AFAP1: variants seen among roughly 807,000 people sequenced by gnomAD.
AFAP1 encodes actin filament-associated protein 1.
Under a neutral mutation model 93.9 loss-of-function variants are expected in AFAP1, and 75 were observed. The ratio of observed to expected loss-of-function variants is 0.80; its 90% CI spans 0.66 to 0.97. The LOEUF (loss-of-function observed/expected upper bound fraction) is 0.97. Among genes scored for constraint, AFAP1 ranks in the 50% least tolerant of loss-of-function variants. The pLI, the probability that AFAP1 is intolerant of heterozygous loss-of-function variation, is 0.00. For synonymous variants in AFAP1, 517 were observed against 430.7 expected (o/e 1.20, Z -2.48); for missense variants, 1,201 against 1,050.8 (o/e 1.14, Z -1.98).
chr4:7,868,644 G>A lies in AFAP1; in HGVS notation c.203C>T (p.Pro68Leu), dbSNP rs777059475. The change falls in exon 3 of 18, where the codon CCG becomes CTG. Residue 68 changes from proline to leucine, a missense_variant. Pro to Leu is a moderately conservative substitution (Grantham distance 98, BLOSUM62 -3). Transcript: ENST00000420658. The stretch of plus-strand genomic sequence containing the variant: ...CACCAGCCAGGGCTGAGGGATCTCC[G>A]GCAGGGGCATCTGAGGAGGGGCTGG... ...SLPAPPQMPL[P>L]EIPQPWLPPD... is the part of the protein sequence containing the mutation. The A allele has an allele frequency of 2.4e-5, 38 of 1,612,352 alleles. No individual in the cohort carries two copies. The highest frequency in any genetic ancestry group is 3.1e-5 in the Non-Finnish European group (37 of 1,179,784).
intron 6 of AFAP1, among the ~76,000 whole-genome samples, chr4:7,831,393 T>A (rs1457860172): frequency 4.4e-5 from 6 of 137,870 alleles, no homozygotes; most frequent in African/African-American, 8.2e-5. Context: ...CAGCAAATGC[T>A]AAAAAAAAAA....
At chr4:7,936,143 CGACTT>C (rs1018100111) in intron 1 of AFAP1, among the ~76,000 whole-genome samples, 22 of 152,186 alleles carry the variant, frequency 1.4e-4, no homozygotes, top group African/African-American at 5.3e-4. Context: ...CAGTAGCTCA[CGACTT>C]GACCAAATGG....
intron 1 of AFAP1, among the ~76,000 whole-genome samples, chr4:7,916,023 G>A (rs1174612275): frequency 1.3e-5 from 2 of 151,564 alleles, no homozygotes; most frequent in South Asian, 2.1e-4. Flanking sequence ...CCTCACTTAC[G>A]CAATCACCAG....
intron 10 of AFAP1, among the ~76,000 whole-genome samples, chr4:7,798,388 CCTATTGGCTGGCTCACAGCACTGCAACT>C (rs1560165347): frequency 4.9e-4 from 37 of 75,098 alleles, no homozygotes; most frequent in African/African-American, 1.3e-3. Flanking sequence ...GCACTGCAAC[CCTATTGGCTGGCTCACAGCACTGCAACT>C]CTATTGGCTG....
intron 12 of AFAP1, 85 bp downstream of exon 12, chr4:7,786,109 T>C (rs185778425): frequency 1.0e-5 from 13 of 1,302,068 alleles, no homozygotes; most frequent in South Asian, 1.3e-5. Context: ...TATTCAGACC[T>C]GAAACCAGGG....
chr4:7,926,818 C>T (rs770910518), intron 1 of AFAP1, among the ~76,000 whole-genome samples: 1 of 152,176 alleles, frequency 6.6e-6, no homozygotes, highest in Non-Finnish European at 1.5e-5. Flanking sequence ...CTCACTGCAA[C>T]CTCCGCCTCC....
chr4:7,791,211 G>C (rs767726490), intron 11 of AFAP1, among the ~76,000 whole-genome samples: 6 of 152,158 alleles, frequency 3.9e-5, no homozygotes, highest in Non-Finnish European at 8.8e-5. Context: ...AGCACTGGCA[G>C]GTCTGCCAGC....
chr4:7,781,130 T>C (rs1016287524), intron 13 of AFAP1, among the ~76,000 whole-genome samples: 2 of 152,164 alleles, frequency 1.3e-5, no homozygotes, highest in Admixed American at 1.3e-4. Flanking sequence ...CACTGGGGAA[T>C]TTTCCAAGAA....
At chr4:7,821,059 G>A (rs929539446) in intron 6 of AFAP1, among the ~76,000 whole-genome samples, 3 of 152,106 alleles carry the variant, frequency 2.0e-5, no homozygotes, top group Non-Finnish European at 4.4e-5. Flanking sequence ...CAGAGGTTGC[G>A]GTGAGCCGAG....
intron 1 of AFAP1, among the ~76,000 whole-genome samples, chr4:7,927,840 A>C (rs6813758): frequency 0.32 from 49,030 of 152,114 alleles, 9,003 homozygotes; most frequent in Non-Finnish European, 0.43. Flanking sequence ...TGAAATATTT[A>C]AGCCAATGTG....
chr4:7,915,136 G>A lies in AFAP1; in HGVS notation c.-3+24520C>T, dbSNP rs11939532. On this transcript the variant is annotated intron_variant, in intron 1 of 17. Transcript: ENST00000420658. ...TGACATCCGGTGATCTGCCCGCCTCGGCCTCCCAAAGTGCTGGGATGTCAG... is the reference window on the plus strand; with the variant it reads ...TGACATCCGGTGATCTGCCCGCCTCAGCCTCCCAAAGTGCTGGGATGTCAG... 8.4e-3 allele frequency among the ~76,000 whole-genome samples: 1,282 copies of A among 152,246 alleles called. 24 individuals are homozygous for A. The highest frequency in any genetic ancestry group is 0.029 in the African/African-American group (1,218 of 41,534).
In AFAP1 at chr4:7,909,359, A is replaced by G. The variant is rs190081465; in HGVS notation, c.-3+30297T>C. On this transcript the variant is annotated intron_variant, in intron 1 of 17. Coordinates refer to ENST00000420658, the MANE Select transcript of AFAP1 (RefSeq NM_001134647.2). ...CTCCATAGCCCTTGCTTAAAGAAGT[A>G]TTATTTATAAACTGTCCAGCACAGC... Among the ~76,000 whole-genome samples the G allele has an allele frequency of 4.6e-5, 7 of 152,348 alleles. No individual in the cohort carries two copies. In the East Asian group the frequency reaches 1.4e-3, roughly 29 times the overall value.
At chr4:7,786,842 T>C (rs2148995691) in intron 11 of AFAP1, among the ~76,000 whole-genome samples, 1 of 152,366 alleles carries the variant, frequency 6.6e-6, no homozygotes, top group South Asian at 2.1e-4. Context: ...GTCTGGTCTC[T>C]TTTGGAAAAA....
At chr4:7,936,377 G>A (rs1721380341) in intron 1 of AFAP1, among the ~76,000 whole-genome samples, 3 of 150,672 alleles carry the variant, frequency 2.0e-5, no homozygotes, top group African/African-American at 5.0e-5. Flanking sequence ...CCAGACTGGA[G>A]TGCAGTAGCA....
intron 1 of AFAP1, among the ~76,000 whole-genome samples, chr4:7,874,256 A>C (rs1262839692): frequency 6.6e-6 from 1 of 152,102 alleles, no homozygotes; most frequent in Admixed American, 6.6e-5. Context: ...CCACTTGTCA[A>C]GTTTTGGTGT....
At chr4:7,887,057 G>C (rs1718177785) in intron 1 of AFAP1, among the ~76,000 whole-genome samples, 1 of 152,078 alleles carries the variant, frequency 6.6e-6, no homozygotes, top group Admixed American at 6.6e-5. Flanking sequence ...AATCACAAAA[G>C]GTTTCTAGAA....
chr4:7,856,650 G>T (rs937726660), intron 3 of AFAP1, among the ~76,000 whole-genome samples: 1 of 152,112 alleles, frequency 6.6e-6, no homozygotes, highest in Non-Finnish European at 1.5e-5. Context: ...GACAACCTAC[G>T]TCCCACCTGG....
intron 6 of AFAP1, among the ~76,000 whole-genome samples, chr4:7,830,719 C>T (rs1433118206): frequency 3.3e-5 from 5 of 152,130 alleles, no homozygotes; most frequent in African/African-American, 1.2e-4. Flanking sequence ...CAGCGATCCT[C>T]CTGCCTCTGC....
At chr4:7,927,623 A>G (rs4696794) in intron 1 of AFAP1, among the ~76,000 whole-genome samples, 99,923 of 152,026 alleles carry the variant, frequency 0.66, 32,999 homozygotes, top group Middle Eastern at 0.74. Context: ...CCAGGAGTTT[A>G]AGACCAGTGT....
Sources: allele counts gnomAD v4.1 joint callset (sites outside exome capture counted in the v4.1 genomes callset), GRCh38; gene constraint gnomAD v4.1.1; transcripts MANE v1.5; gene names NCBI Gene and HGNC (gene_info 2026-07-23, HGNC 2026-07-21).